The following USF1 variants were observed in gnomAD, a reference collection of about 807,000 sequenced individuals.
The protein encoded by USF1 is upstream stimulatory factor 1.
A neutral mutation model predicts 46.3 loss-of-function variants in USF1; 22 were observed. The observed-to-expected ratio is 0.47, with a 90% CI of 0.34 to 0.68. The LOEUF is 0.68. Among genes scored for constraint, USF1 ranks in the 30% least tolerant of loss-of-function variants. The probability of loss-of-function intolerance (pLI) is 0.01; values close to 1 mark genes in which losing one functional copy is unlikely to be tolerated. For missense variants in USF1, 287 were observed against 399.3 expected, an observed-to-expected ratio of 0.72 and a Z score of 2.40; for synonymous variants, 150 against 147.0, an observed-to-expected ratio of 1.02 and a Z score of -0.15.
In USF1 at chr1:161,040,125, G is replaced by C. The variant is rs1032523706; in HGVS notation, c.843+77C>G. 1.9e-6 allele frequency: 3 copies of C among 1,609,916 alleles called. No homozygotes were observed. In the East Asian group the frequency reaches 6.7e-5, roughly 36 times the overall value. ...GAAAAGATGAAGCCTTCTCCATGGA[G>C]AACAAAGTAGAGGGTGTCAAACTGG... On this transcript the variant is annotated intron_variant, in intron 10 of 10. Coordinates refer to ENST00000368021, the MANE Select transcript of USF1 (RefSeq NM_007122.5). The surrounding 1 kb of genome is among the most constrained non-coding windows in gnomAD (Gnocchi z 4.0).
chr1:161,043,441 C>G, intron 1 of USF1, 81 bp from the exon 2 acceptor site: 1 of 1,079,656 alleles, frequency 9.3e-7, no homozygotes, highest in Non-Finnish European at 1.3e-6. Flanking sequence ...TCCATGAACA[C>G]ATAGCCAGGA....
chr1:161,040,725 A>G lies in USF1; in HGVS notation c.620-55T>C. ...TCAGTGAAAACTCGCCACAAGTCCC[A>G]GGGTAAAATTACCTAATCCCTCCTC... On this transcript the variant is annotated intron_variant, in intron 8 of 10. Coordinates refer to ENST00000368021, the MANE Select transcript of USF1 (RefSeq NM_007122.5). The surrounding 1 kb of genome is among the most constrained non-coding windows in gnomAD (Gnocchi z 4.0). The G allele has an allele frequency of 6.2e-7, 1 of 1,612,650 alleles. No individual in the cohort carries two copies.
In USF1 at chr1:161,041,711, C is replaced by T. The variant is rs564541201; in HGVS notation, c.412G>A (p.Ala138Thr). 1 of 1,614,058 alleles carries T rather than the reference C, an allele frequency of 6.2e-7. No homozygotes were observed. Among genetic ancestry groups the T allele is most frequent in the Non-Finnish European group, 8.5e-7 (1 of 1,179,970 alleles). Residue 138 changes from alanine to threonine, a missense_variant, in exon 6 of 11, where the codon GCT (alanine) becomes ACT (threonine). Coordinates refer to ENST00000368021, the MANE Select transcript of USF1 (RefSeq NM_007122.5). ...TCTGAGCCCTGGGTAGTAACAACAGCAGCTGTACTCCCCGATGTGGTACCC... is the reference window on the plus strand; with the variant it reads ...TCTGAGCCCTGGGTAGTAACAACAGTAGCTGTACTCCCCGATGTGGTACCC... Reference protein sequence around the residue: ...AGGTTSGSTAAVVTTQGSEAL... With the variant: ...AGGTTSGSTATVVTTQGSEAL...
chr1:161,042,291 C>A, intron 4 of USF1, 74 bp from the exon 5 acceptor site: 1 of 1,456,858 alleles, frequency 6.9e-7, no homozygotes. Flanking sequence ...TAGGGCCCCT[C>A]ATAAAGCTTC....
In USF1 at chr1:161,041,407, T is replaced by C; in HGVS notation, c.477A>G (p.Gln159=). Residue 159 remains glutamine (Q), a synonymous_variant, in exon 7 of 11, where the codon CAA becomes CAG. Transcript: ENST00000368021. ...LGQATPPGTG[Q]FFVMMSPQEV... ...CTTGTGGTGACATCATCACAAAGAA[T>C]TGACCTGTGAAGATGCAGGGTAGGT... The C allele has an allele frequency of 6.2e-7, 1 of 1,613,698 alleles. No homozygotes were observed. Among genetic ancestry groups the C allele is most frequent in the Non-Finnish European group, 8.5e-7 (1 of 1,179,946 alleles).
In USF1 at chr1:161,039,270, C is replaced by A. The variant is rs11585266; in HGVS notation, c.*650G>T. The A allele has an allele frequency of 9.2e-5, 5 of 54,132 alleles. No homozygotes were observed. The highest frequency in any genetic ancestry group is 1.0e-4 in the Non-Finnish European group (3 of 29,138). 3.4% of individuals were successfully genotyped at this position (54,132 alleles called of 1,614,324 possible). ...CAACTGTGGCTTTGAACAATTTTAT[C>A]TTAAAAAAAAAAAAAAAAAAAAAAA... On this transcript the variant is annotated 3_prime_UTR_variant, in exon 11 of 11. Transcript: ENST00000368021.
At position 161,041,336 on chromosome 1, in the gene USF1, T is replaced by C; in HGVS notation, c.548A>G (p.His183Arg). The change falls in exon 7 of 11, where the codon CAC becomes CGC. Residue 183 changes from histidine to arginine, a missense_variant. By Grantham distance (29) the His-to-Arg change is conservative. Transcript: ENST00000368021. ...GSQRSIAPRTHPYSPKSEAPR... is the reference protein window; with the variant it reads ...GSQRSIAPRTRPYSPKSEAPR... ...AAGGGTCACTCACGGGGAATAAGGG[T>C]GAGTCCTAGGGGCAATTGAGCGCTG... The C allele has an allele frequency of 2.5e-6, 4 of 1,594,628 alleles. No homozygotes were observed. The highest frequency in any genetic ancestry group is 3.4e-6 in the Non-Finnish European group (4 of 1,173,628).
At chr1:161,041,468 TG>T in intron 6 of USF1, 57 bp from the exon 7 acceptor site, 1 of 1,569,462 alleles carries the variant, frequency 6.4e-7, no homozygotes, top group Non-Finnish European at 8.7e-7. Context: ...CACCAAGCCC[TG>T]AGGTGAAGAC....
intron 2 of USF1, 151 bp downstream of exon 2, chr1:161,043,117 T>C: frequency 7.0e-7 from 1 of 1,421,360 alleles, no homozygotes; most frequent in Non-Finnish European, 9.8e-7. Flanking sequence ...ACTACTTCCA[T>C]TTTATAGATA....
Position 161,045,961 on chromosome 1 carries a change from C to A in USF1, c.-189G>T, listed in dbSNP as rs948980154. The A allele has an allele frequency of 6.6e-6, 1 of 152,282 alleles. No individual in the cohort carries two copies. The highest frequency in any genetic ancestry group is 2.4e-5 in the African/African-American group (1 of 41,474). 9.4% of individuals were successfully genotyped at this position (152,282 alleles called of 1,614,324 possible). On this transcript the variant is annotated 5_prime_UTR_variant, in exon 1 of 11. Coordinates refer to ENST00000368021, the MANE Select transcript of USF1 (RefSeq NM_007122.5). Reference sequence around the variant, plus strand: ...GCTCATGCGCACTTCCAGCCCGCGGCCATGTTGGTGAGGGGCGGAAGTGTC... The same window carrying A: ...GCTCATGCGCACTTCCAGCCCGCGGACATGTTGGTGAGGGGCGGAAGTGTC...
chr1:161,041,936 T>C, intron 5 of USF1, 90 bp from the exon 6 acceptor site: 1 of 1,404,550 alleles, frequency 7.1e-7, no homozygotes, highest in South Asian at 1.3e-5. Flanking sequence ...GTTGGGGTGG[T>C]AGGTAGGGTG....
rs754880813 is a variant in USF1, at chr1:161,039,944, G to A, written c.909C>T (p.Val303=). The part of the protein sequence containing the change: ...RAQLRHHGLE[V]VIKNDSN ...GTTAGTTGCTGTCATTCTTGATGAC[G>A]ACCTCTAATCCGTGGTGCCGCAACT... The change falls in exon 11 of 11, where the codon GTC becomes GTT. Residue 303 remains valine, a synonymous_variant. Coordinates refer to ENST00000368021, the MANE Select transcript of USF1 (RefSeq NM_007122.5). 1.9e-5 allele frequency: 31 copies of A among 1,614,174 alleles called. No individual in the cohort carries two copies. The highest frequency in any genetic ancestry group is 1.3e-4 in the South Asian group (12 of 91,074).
intron 7 of USF1, among the ~76,000 whole-genome samples, 185 bp downstream of exon 7, chr1:161,041,139 G>A (rs906824520): frequency 7.3e-5 from 11 of 151,632 alleles, no homozygotes; most frequent in African/African-American, 2.7e-4. Context: ...GTACATGTCT[G>A]TAGTTCCAGC....
rs746811537 is a variant in USF1, at chr1:161,043,286, G to C, written c.-11C>G. The C allele has an allele frequency of 3.1e-6, 5 of 1,614,044 alleles. No individual in the cohort carries two copies. The highest frequency in any genetic ancestry group is 1.3e-5 in the African/African-American group (1 of 74,918). On this transcript the variant is annotated 5_prime_UTR_variant, in exon 2 of 11. Transcript: ENST00000368021. Reference sequence around the variant, plus strand: ...CACTCACCCCTTCATCTCTCTGTGAGGGGGCACATCCGAGGAACTGGTCCT... The same window carrying C: ...CACTCACCCCTTCATCTCTCTGTGACGGGGCACATCCGAGGAACTGGTCCT...
At chr1:161,043,490 C>A in intron 1 of USF1, 130 bp from the exon 2 acceptor site, 1 of 674,874 alleles carries the variant, frequency 1.5e-6, no homozygotes, top group Middle Eastern at 4.2e-4. Context: ...TCAGCCTCCA[C>A]CATACTGATG....
rs1474089056 is a variant in USF1 at position 161,041,665 on chromosome 1, G to A, written c.458C>T (p.Thr153Ile). ...QGSEALLGQA[T>I]PPGTGQFFVM... is the part of the protein sequence containing the mutation. ...CAATATCTCACCAGTGCCAGGAGGG[G>A]TCGCCTGCCCCAGCAGTGCCTCTGA... Residue 153 changes from threonine to isoleucine, a missense_variant, in exon 6 of 11, where the codon ACC becomes ATC. Physicochemically the swap from Thr to Ile is moderately conservative, Grantham distance 89. Coordinates refer to ENST00000368021, the MANE Select transcript of USF1 (RefSeq NM_007122.5). 1 of 1,609,428 alleles carries A rather than the reference G, an allele frequency of 6.2e-7. No homozygotes were observed. The highest frequency in any genetic ancestry group is 8.5e-7 in the Non-Finnish European group (1 of 1,176,386).
chr1:161,042,632 T>C lies in USF1; in HGVS notation c.97A>G (p.Ile33Val). Reference sequence around the variant, plus strand: ...GTGGCAGCTGACTGGATGCTGGCAATAGCCACACTGGTTGGGTCTTCCCCA... The same window carrying C: ...GTGGCAGCTGACTGGATGCTGGCAACAGCCACACTGGTTGGGTCTTCCCCA... ...ATGEDPTSVA[I>V]ASIQSAATFP... The change falls in exon 4 of 11, where the codon ATT (isoleucine) becomes GTT (valine). Residue 33 changes from isoleucine (I) to valine (V), a missense_variant. Transcript: ENST00000368021. 1 of 1,614,208 alleles carries C rather than the reference T, an allele frequency of 6.2e-7. No homozygotes were observed. Among genetic ancestry groups the C allele is most frequent in the Non-Finnish European group, 8.5e-7 (1 of 1,180,038 alleles).
chr1:161,042,025 C>T, intron 5 of USF1, 91 bp downstream of exon 5: 1 of 1,430,040 alleles, frequency 7.0e-7, no homozygotes, highest in Non-Finnish European at 9.6e-7. Context: ...TTAGATGCCT[C>T]ACTGTTCCTA....
chr1:161,042,059 C>G, intron 5 of USF1, 57 bp downstream of exon 5: 2 of 1,544,942 alleles, frequency 1.3e-6, no homozygotes, highest in Non-Finnish European at 1.8e-6. Context: ...CCTACTGATT[C>G]CCTTCTTCAT....
Sources: gnomAD v4.1 joint callset for allele counts (sites outside exome capture counted in the v4.1 genomes callset) on GRCh38, gnomAD v4.1.1 for gene constraint, Gnocchi (gnomAD v3.1) non-coding constraint, MANE v1.5 for transcripts, NCBI Gene and HGNC (gene_info 2026-07-23, HGNC 2026-07-21) for gene names.